The following SPAG16 variants were observed in gnomAD, a reference collection of about 807,000 sequenced individuals.
SPAG16 encodes sperm associated antigen 16, also known as sperm-associated antigen 16 protein.
Under a neutral mutation model 80.4 loss-of-function variants are expected in SPAG16, and 86 were observed. That is an observed-to-expected ratio of 1.07 (90% confidence interval 0.90 to 1.28). The LOEUF (loss-of-function observed/expected upper bound fraction) is 1.28. Among genes scored for constraint, SPAG16 ranks in the 50% most tolerant of loss-of-function variants. The pLI, the probability that SPAG16 is intolerant of heterozygous loss-of-function variation, is 0.00. For missense variants in SPAG16, 870 were observed against 765.3 expected (o/e 1.14, Z -1.61); for synonymous variants, 294 against 265.9 (o/e 1.11, Z -1.03).
intron 12 of SPAG16, among the ~76,000 whole-genome samples, chr2:214,012,697 G>A (rs1161627482): frequency 1.3e-5 from 2 of 151,964 alleles, no homozygotes; most frequent in Non-Finnish European, 2.9e-5. Context: ...TTAAAAGTAG[G>A]TTTATAAATA....
intron 11 of SPAG16, among the ~76,000 whole-genome samples, chr2:213,913,406 C>G (rs1379948564): frequency 6.6e-6 from 1 of 151,936 alleles, no homozygotes; most frequent in African/African-American, 2.4e-5. Context: ...TCTAGGGCAT[C>G]AGTTCTCAAA....
At chr2:214,073,286 G>A (rs1429826645) in intron 13 of SPAG16, among the ~76,000 whole-genome samples, 1 of 150,160 alleles carries the variant, frequency 6.7e-6, no homozygotes, top group Non-Finnish European at 1.5e-5. Context: ...CACCAGGCTG[G>A]AGTGCAGTGG....
intron 10 of SPAG16, among the ~76,000 whole-genome samples, chr2:213,773,013 A>G (rs1425244438): frequency 6.6e-6 from 1 of 150,644 alleles, no homozygotes; most frequent in Admixed American, 6.6e-5. Context: ...TTTTTCATTC[A>G]TATGGTTTGT....
intron 13 of SPAG16, among the ~76,000 whole-genome samples, chr2:214,048,064 A>C (rs781668622): frequency 1.3e-5 from 2 of 152,198 alleles, no homozygotes; most frequent in Non-Finnish European, 2.9e-5. Context: ...GATGTGGAGA[A>C]AAGGAACCCT....
intron 10 of SPAG16, among the ~76,000 whole-genome samples, chr2:213,728,254 G>T (rs1160243370): frequency 6.6e-6 from 1 of 152,210 alleles, no homozygotes; most frequent in Non-Finnish European, 1.5e-5. Flanking sequence ...GTTCCAAGTA[G>T]TTGGTGAGAG....
intron 15 of SPAG16, among the ~76,000 whole-genome samples, chr2:214,300,167 G>A (rs942460642): frequency 6.6e-6 from 1 of 151,772 alleles, no homozygotes; most frequent in African/African-American, 2.4e-5. Flanking sequence ...TTTAAATTCT[G>A]GAAAAATTAG....
chr2:213,934,230 T>C (rs1458777086), intron 12 of SPAG16, among the ~76,000 whole-genome samples: 2 of 152,334 alleles, frequency 1.3e-5, no homozygotes, highest in Admixed American at 6.5e-5. Flanking sequence ...TAGTGATGCT[T>C]ATATGTTTCC....
At chr2:213,410,762 T>C (rs1030978127) in intron 9 of SPAG16, among the ~76,000 whole-genome samples, 1 of 152,192 alleles carries the variant, frequency 6.6e-6, no homozygotes, top group Admixed American at 6.5e-5. Flanking sequence ...GAGGCCCAGA[T>C]TGTCCCCTTT....
intron 11 of SPAG16, among the ~76,000 whole-genome samples, chr2:213,909,671 C>T (rs1033433885): frequency 1.3e-5 from 2 of 152,058 alleles, no homozygotes; most frequent in African/African-American, 4.8e-5. Context: ...ACTGGCTAGC[C>T]ATATGTAGAA....
At chr2:214,050,495 C>A (rs926762066) in intron 13 of SPAG16, among the ~76,000 whole-genome samples, 2 of 151,810 alleles carry the variant, frequency 1.3e-5, no homozygotes, top group Non-Finnish European at 2.9e-5. Flanking sequence ...TCGCTATATT[C>A]TTGTCCAAGA....
At chr2:214,219,810 T>C (rs960538606) in intron 15 of SPAG16, among the ~76,000 whole-genome samples, 3 of 152,166 alleles carry the variant, frequency 2.0e-5, no homozygotes, top group African/African-American at 7.2e-5. Flanking sequence ...TATTATTGCA[T>C]GTGGCAATTC....
intron 10 of SPAG16, among the ~76,000 whole-genome samples, chr2:213,788,650 G>A (rs1326803426): frequency 6.6e-6 from 1 of 151,878 alleles, no homozygotes; most frequent in Non-Finnish European, 1.5e-5. Flanking sequence ...TTCACAGGAA[G>A]GCCTTAGAAT....
chr2:213,461,414 C>G (rs1410903867), intron 9 of SPAG16, among the ~76,000 whole-genome samples: 1 of 152,066 alleles, frequency 6.6e-6, no homozygotes, highest in African/African-American at 2.4e-5. Flanking sequence ...TAGCGGAGTG[C>G]CATTCGATGG....
chr2:214,233,169 G>T (rs530772194), intron 15 of SPAG16, among the ~76,000 whole-genome samples: 41 of 152,100 alleles, frequency 2.7e-4, no homozygotes, highest in Middle Eastern at 3.4e-3. Context: ...TTGCCTCCAG[G>T]AGGGAGAACA....
intron 10 of SPAG16, among the ~76,000 whole-genome samples, chr2:213,780,760 T>G (rs982731145): frequency 6.6e-6 from 1 of 152,112 alleles, no homozygotes; most frequent in African/African-American, 2.4e-5. Flanking sequence ...CTATTTTGTT[T>G]CCTGAAACTG....
intron 10 of SPAG16, among the ~76,000 whole-genome samples, chr2:213,738,195 A>C (rs2067382240): frequency 6.6e-6 from 1 of 152,220 alleles, no homozygotes; most frequent in Admixed American, 6.5e-5. Context: ...GAGCCAGTAT[A>C]GTTAAGTATA....
chr2:213,959,809 G>A (rs958548170), intron 12 of SPAG16, among the ~76,000 whole-genome samples: 2 of 152,016 alleles, frequency 1.3e-5, no homozygotes, highest in Non-Finnish European at 1.5e-5. Context: ...CACCTGACAC[G>A]CACACACACC....
At chr2:214,266,971 T>C (rs1394709967) in intron 15 of SPAG16, among the ~76,000 whole-genome samples, 1 of 151,838 alleles carries the variant, frequency 6.6e-6, no homozygotes, top group Admixed American at 6.6e-5. Context: ...CCCATGTTTG[T>C]GAATTGAAAG....
At chr2:213,963,084 T>C (rs2044534667) in intron 12 of SPAG16, among the ~76,000 whole-genome samples, 1 of 111,022 alleles carries the variant, frequency 9.0e-6, no homozygotes, top group Non-Finnish European at 1.8e-5. Context: ...TCTGAATGCT[T>C]AGTTTGCTCT....
Sources: gnomAD v4.1 joint callset for allele counts (sites outside exome capture counted in the v4.1 genomes callset) on GRCh38, gnomAD v4.1.1 for gene constraint, MANE v1.5 for transcripts, NCBI Gene and HGNC (gene_info 2026-07-23, HGNC 2026-07-21) for gene names.